KPNA3: variants seen among roughly 807,000 people sequenced by gnomAD.
The protein encoded by KPNA3 is karyopherin subunit alpha 3.
A neutral mutation model predicts 73.8 loss-of-function variants in KPNA3; 13 were observed. The ratio of observed to expected loss-of-function variants is 0.18; its 90% confidence interval spans 0.11 to 0.28. KPNA3 has a LOEUF of 0.28. Ranked by LOEUF, KPNA3 falls within the 10% of genes least tolerant of loss-of-function variation. The probability of loss-of-function intolerance (pLI) is 1.00; values close to 1 mark genes in which losing one functional copy is unlikely to be tolerated. For synonymous variants in KPNA3, 186 were observed against 206.9 expected, an observed-to-expected ratio of 0.90 and a Z score of 0.87; for missense variants, 360 against 618.1, an observed-to-expected ratio of 0.58 and a Z score of 4.43.
intron 2 of KPNA3, among the ~76,000 whole-genome samples, chr13:49,746,133 T>A (rs941091728): frequency 6.6e-6 from 1 of 151,784 alleles, no homozygotes; most frequent in Admixed American, 6.6e-5. Flanking sequence ...GATTAGCAAT[T>A]TAAATATTTG....
chr13:49,751,241 T>C (rs1307103269), intron 1 of KPNA3, among the ~76,000 whole-genome samples: 1 of 152,114 alleles, frequency 6.6e-6, no homozygotes, highest in Non-Finnish European at 1.5e-5. Context: ...ATACTCCTAA[T>C]GTTAGGAAAC....
At chr13:49,766,624 T>C (rs1022484196) in intron 1 of KPNA3, among the ~76,000 whole-genome samples, 4 of 152,208 alleles carry the variant, frequency 2.6e-5, no homozygotes, top group African/African-American at 9.6e-5. Flanking sequence ...TGGCATCCTC[T>C]CTGGAAGACA....
chr13:49,783,913 AAATT>A (rs1184355207), intron 1 of KPNA3, among the ~76,000 whole-genome samples: 4 of 152,234 alleles, frequency 2.6e-5, no homozygotes, highest in African/African-American at 9.6e-5. Context: ...AAGTTTAAAT[AAATT>A]AATAGAAGCT....
intron 2 of KPNA3, among the ~76,000 whole-genome samples, chr13:49,746,171 A>G (rs1334167634): frequency 6.6e-6 from 1 of 151,932 alleles, no homozygotes; most frequent in Non-Finnish European, 1.5e-5. Flanking sequence ...TCACATGAAA[A>G]CACAATTTGG....
intron 13 of KPNA3, 44 bp downstream of exon 13, chr13:49,706,224 T>TATTAACAG (rs772559661): frequency 6.2e-7 from 1 of 1,611,016 alleles, no homozygotes; most frequent in Non-Finnish European, 8.5e-7. Flanking sequence ...AAGTCTTGGT[T>TATTAACAG]ATTAACAGAT....
At chr13:49,752,138 G>A (rs915934351) in intron 1 of KPNA3, among the ~76,000 whole-genome samples, 1 of 152,182 alleles carries the variant, frequency 6.6e-6, no homozygotes, top group African/African-American at 2.4e-5. Flanking sequence ...GTTGCAAATG[G>A]AAGGGATCTT....
chr13:49,758,770 T>C (rs1954733835), intron 1 of KPNA3, among the ~76,000 whole-genome samples: 1 of 151,974 alleles, frequency 6.6e-6, no homozygotes, highest in South Asian at 2.1e-4. Context: ...ACACATATGT[T>C]TATATACATA....
chr13:49,788,026 T>C (rs1327895823), intron 1 of KPNA3, among the ~76,000 whole-genome samples: 2 of 152,172 alleles, frequency 1.3e-5, no homozygotes, highest in Non-Finnish European at 2.9e-5. Context: ...CTTTGCCACT[T>C]AACACCCGAT....
At chr13:49,779,742 C>T (rs923137532) in intron 1 of KPNA3, among the ~76,000 whole-genome samples, 1 of 152,174 alleles carries the variant, frequency 6.6e-6, no homozygotes, top group African/African-American at 2.4e-5. Context: ...AATCAAAGCT[C>T]TAACTAGTCT....
chr13:49,716,778 T>G (rs1954307999), intron 10 of KPNA3, among the ~76,000 whole-genome samples: 2 of 152,162 alleles, frequency 1.3e-5, no homozygotes, highest in African/African-American at 4.8e-5. Flanking sequence ...TTGGTTCTTC[T>G]TCCCTTGCTG....
intron 2 of KPNA3, among the ~76,000 whole-genome samples, chr13:49,744,074 A>G (rs1277860229): frequency 1.3e-5 from 2 of 152,204 alleles, no homozygotes; most frequent in Non-Finnish European, 2.9e-5. Context: ...GGGGATAACC[A>G]ATACCTAGAA....
chr13:49,761,579 C>T lies in KPNA3; in HGVS notation c.70-14586G>A, dbSNP rs535936492. ...AGGCTGGAGTGCAGTGGCATGATCT[C>T]GGCTAGCTACAACCTCCACCTCCCA... On this transcript the variant is annotated intron_variant, in intron 1 of 16. Coordinates refer to ENST00000261667, the MANE Select transcript of KPNA3 (RefSeq NM_002267.4). Among the ~76,000 whole-genome samples the T allele has an allele frequency of 3.3e-5, 5 of 152,352 alleles. No homozygotes were observed. The East Asian group carries it at 5.8e-4, about 18-fold the overall frequency.
At position 49,710,927 on chromosome 13, in the gene KPNA3, A is replaced by G; in HGVS notation, c.867T>C (p.Leu289=). 3.1e-6 allele frequency: 5 copies of G among 1,613,972 alleles called. No homozygotes were observed. The highest frequency in any genetic ancestry group is 4.2e-6 in the Non-Finnish European group (5 of 1,179,908). The change falls in exon 11 of 17, where the codon CTT becomes CTC. Residue 289 remains leucine, a synonymous_variant. Transcript: ENST00000261667. ...MVIDSGVVPF[L]VPLLSHQEVK... ...CTTCCTGATGGCTCAGAAGGGGCAC[A>G]AGAAAGGGCACAACTCCTGAATCAA... is the stretch of plus-strand genomic sequence containing the variant.
intron 7 of KPNA3, 149 bp from the exon 8 acceptor site, chr13:49,722,712 T>C: frequency 1.9e-6 from 1 of 528,458 alleles, no homozygotes; most frequent in Non-Finnish European, 3.3e-6. Context: ...AAAGAATCAA[T>C]TTCAGTATTT....
At chr13:49,781,972 C>T (rs187024175) in intron 1 of KPNA3, among the ~76,000 whole-genome samples, 393 of 152,234 alleles carry the variant, frequency 2.6e-3, no homozygotes, top group Non-Finnish European at 4.3e-3. Context: ...CATATCTAGC[C>T]GGCAGGAATT....
chr13:49,778,806 C>T (rs1244783703), intron 1 of KPNA3, among the ~76,000 whole-genome samples: 1 of 152,110 alleles, frequency 6.6e-6, no homozygotes, highest in Admixed American at 6.6e-5. Context: ...TGAGGTCTCA[C>T]TGTATTGCCT....
At position 49,709,633 on chromosome 13, in the gene KPNA3, T is replaced by C. The variant is rs751231267; in HGVS notation, c.971A>G (p.Asn324Ser). Reference sequence around the variant, plus strand: ...TGGGAAGTGTGACAGGACATCACAATTGAGAACAACCTGGGTCTGCTCGTC... The same window carrying C: ...TGGGAAGTGTGACAGGACATCACAACTGAGAACAACCTGGGTCTGCTCGTC... ...GTDEQTQVVL[N>S]CDVLSHFPNL... The change falls in exon 12 of 17, where the codon AAT (asparagine) becomes AGT (serine). Residue 324 changes from asparagine to serine, a missense_variant. Coordinates refer to ENST00000261667, the MANE Select transcript of KPNA3 (RefSeq NM_002267.4). 1.2e-6 allele frequency: 2 copies of C among 1,613,902 alleles called. No individual in the cohort carries two copies. Among genetic ancestry groups the C allele is most frequent in the Non-Finnish European group, 1.7e-6 (2 of 1,179,834 alleles).
intron 1 of KPNA3, among the ~76,000 whole-genome samples, chr13:49,776,591 T>C (rs11843469): frequency 0.028 from 4,319 of 152,252 alleles, 211 homozygotes; most frequent in African/African-American, 0.098. Flanking sequence ...CTTTAAAAAA[T>C]AGTTAATTTT....
At chr13:49,738,012 T>C (rs1444117414) in intron 2 of KPNA3, among the ~76,000 whole-genome samples, 2 of 152,228 alleles carry the variant, frequency 1.3e-5, no homozygotes, top group African/African-American at 2.4e-5. Flanking sequence ...AAATTCTCTA[T>C]GTTTTTTCCT....
Sources: allele counts gnomAD v4.1 joint callset (sites outside exome capture counted in the v4.1 genomes callset), GRCh38; gene constraint gnomAD v4.1.1; transcripts MANE v1.5; gene names NCBI Gene and HGNC (gene_info 2026-07-23, HGNC 2026-07-21).